PTPRK: variants seen among roughly 807,000 people sequenced by gnomAD.
PTPRK encodes protein tyrosine phosphatase receptor type K, also known as receptor-type tyrosine-protein phosphatase kappa.
In PTPRK, 75 loss-of-function variants were observed where a neutral mutation model predicts 178.0. That is an observed-to-expected ratio of 0.42 (90% CI 0.35 to 0.51). The LOEUF (loss-of-function observed/expected upper bound fraction) is 0.51, where lower values mean the gene tolerates loss of function less well. Among genes scored for constraint, PTPRK ranks in the 20% least tolerant of loss-of-function variants. The pLI is 0.02. For synonymous variants in PTPRK, 637 were observed against 620.6 expected (o/e 1.03, Z -0.39); for missense variants, 1,441 against 1,797.8 (o/e 0.80, Z 3.59).
chr6:128,280,530 T>C (rs2128302149), intron 3 of PTPRK, among the ~76,000 whole-genome samples: 1 of 152,290 alleles, frequency 6.6e-6, no homozygotes, highest in Non-Finnish European at 1.5e-5. Context: ...ATACAGCCCA[T>C]TGGCCATACT....
At chr6:128,050,757 T>C (rs1002459444) in intron 13 of PTPRK, among the ~76,000 whole-genome samples, 15 of 152,178 alleles carry the variant, frequency 9.9e-5, no homozygotes, top group Admixed American at 2.0e-4. Flanking sequence ...CCCAGGCTGA[T>C]CTTGAACTCC....
At chr6:128,190,693 T>C (rs552998564) in intron 6 of PTPRK, among the ~76,000 whole-genome samples, 1 of 151,910 alleles carries the variant, frequency 6.6e-6, no homozygotes, top group East Asian at 1.9e-4. Flanking sequence ...GAGATGGGGT[T>C]TTACCATGTT....
At chr6:128,270,401 A>G (rs1365191384) in intron 3 of PTPRK, among the ~76,000 whole-genome samples, 1 of 152,160 alleles carries the variant, frequency 6.6e-6, no homozygotes, top group Non-Finnish European at 1.5e-5. Flanking sequence ...GCTTCATTAA[A>G]TTAGTGACAA....
chr6:128,460,745 G>A (rs1443124865), intron 1 of PTPRK, among the ~76,000 whole-genome samples: 1 of 152,188 alleles, frequency 6.6e-6, no homozygotes, highest in African/African-American at 2.4e-5. Context: ...TGATGGAGCA[G>A]ATGAAAGCAA....
intron 6 of PTPRK, among the ~76,000 whole-genome samples, chr6:128,203,187 G>A (rs191325327): frequency 2.6e-5 from 4 of 152,076 alleles, no homozygotes; most frequent in South Asian, 2.1e-4. Flanking sequence ...CATGATTATC[G>A]CAATAGATGC....
Position 128,494,697 on chromosome 6 carries a change from G to A in PTPRK, c.100+25562C>T, listed in dbSNP as rs528444995. On this transcript the variant is annotated intron_variant, in intron 1 of 29. Coordinates refer to ENST00000368226, the MANE Select transcript of PTPRK (RefSeq NM_002844.4). Reference sequence around the variant, plus strand: ...AACACTTCAATGGAAGTGGCACCACGCCGTCATGCAATCCAAAAGCATTTT... The same window carrying A: ...AACACTTCAATGGAAGTGGCACCACACCGTCATGCAATCCAAAAGCATTTT... 1.2e-4 allele frequency among the ~76,000 whole-genome samples: 19 copies of A among 152,290 alleles called. 1 individual carries two copies. Among genetic ancestry groups the A allele is most frequent in the East Asian group, 7.7e-4 (4 of 5,186 alleles).
At chr6:128,098,326 G>C (rs2115047083) in intron 7 of PTPRK, among the ~76,000 whole-genome samples, 1 of 152,108 alleles carries the variant, frequency 6.6e-6, no homozygotes, top group Non-Finnish European at 1.5e-5. Context: ...CTTTGATTTT[G>C]GCCTTGCTGT....
chr6:128,206,709 T>C (rs376070579), intron 6 of PTPRK, among the ~76,000 whole-genome samples: 2 of 152,298 alleles, frequency 1.3e-5, no homozygotes, highest in African/African-American at 4.8e-5. Flanking sequence ...CACTGATGTA[T>C]TGCCAACTCA....
At chr6:128,254,295 C>T (rs1481605937) in intron 3 of PTPRK, among the ~76,000 whole-genome samples, 1 of 151,904 alleles carries the variant, frequency 6.6e-6, no homozygotes, top group African/African-American at 2.4e-5. Context: ...TTAAATAGCA[C>T]AAATATAATT....
chr6:128,057,071 T>C (rs529710561), intron 13 of PTPRK, among the ~76,000 whole-genome samples: 4 of 152,220 alleles, frequency 2.6e-5, no homozygotes, highest in Admixed American at 6.5e-5. Flanking sequence ...TCTTATGTCA[T>C]AACTCATTAT....
chr6:128,026,505 T>G (rs1774331919), intron 13 of PTPRK, among the ~76,000 whole-genome samples: 1 of 152,194 alleles, frequency 6.6e-6, no homozygotes, highest in South Asian at 2.1e-4. Flanking sequence ...TTTCTCATCT[T>G]TACAATGAAA....
intron 1 of PTPRK, among the ~76,000 whole-genome samples, chr6:128,494,482 G>A (rs1584963484): frequency 1.3e-5 from 2 of 152,182 alleles, no homozygotes; most frequent in South Asian, 2.1e-4. Context: ...TGTAAATAGG[G>A]AACAACTTTG....
intron 1 of PTPRK, among the ~76,000 whole-genome samples, chr6:128,471,217 G>GT (rs1046933867): frequency 1.8e-4 from 28 of 152,136 alleles, no homozygotes; most frequent in African/African-American, 6.7e-4. Flanking sequence ...CCCAGCCACT[G>GT]TAAGAAATAT....
At chr6:128,038,414 T>C (rs929886127) in intron 13 of PTPRK, among the ~76,000 whole-genome samples, 1 of 137,758 alleles carries the variant, frequency 7.3e-6, no homozygotes, top group Non-Finnish European at 1.5e-5. Flanking sequence ...TGAATCTCAA[T>C]TTATTTGTAT....
chr6:128,405,640 C>G (rs1841564868), intron 1 of PTPRK, among the ~76,000 whole-genome samples: 1 of 152,108 alleles, frequency 6.6e-6, no homozygotes, highest in African/African-American at 2.4e-5. Flanking sequence ...TGTTTTGTTT[C>G]TCCTGGAGAG....
chr6:128,506,217 G>A (rs1034768085), intron 1 of PTPRK, among the ~76,000 whole-genome samples: 1 of 152,072 alleles, frequency 6.6e-6, no homozygotes, highest in Non-Finnish European at 1.5e-5. Context: ...CTAAATCTGA[G>A]TGCTACTCCC....
intron 7 of PTPRK, among the ~76,000 whole-genome samples, chr6:128,094,683 C>T (rs1006247059): frequency 1.8e-4 from 27 of 152,038 alleles, no homozygotes; most frequent in Admixed American, 8.5e-4. Context: ...GCAAGGCATA[C>T]GAGCAATACT....
intron 13 of PTPRK, among the ~76,000 whole-genome samples, chr6:128,022,153 G>A (rs1488204198): frequency 1.3e-5 from 2 of 152,154 alleles, no homozygotes; most frequent in Non-Finnish European, 2.9e-5. Flanking sequence ...ATTGGCTTTT[G>A]CTTGCTATTT....
At chr6:128,093,826 T>A (rs112850735) in intron 7 of PTPRK, among the ~76,000 whole-genome samples, 4,300 of 151,878 alleles carry the variant, frequency 0.028, 203 homozygotes, top group African/African-American at 0.098. Context: ...GAATAAAGCA[T>A]AATCTTAGAC....
Sources: gnomAD v4.1 joint callset for allele counts (sites outside exome capture counted in the v4.1 genomes callset) on GRCh38, gnomAD v4.1.1 for gene constraint, MANE v1.5 for transcripts, NCBI Gene and HGNC (gene_info 2026-07-23, HGNC 2026-07-21) for gene names.